PTPRD: variants seen among roughly 807,000 people sequenced by gnomAD.
PTPRD encodes receptor-type tyrosine-protein phosphatase delta.
In PTPRD, 34 loss-of-function variants were observed where a neutral mutation model predicts 214.5. The ratio of observed to expected loss-of-function variants is 0.16; its 90% CI spans 0.12 to 0.21. The LOEUF is 0.21. Ranked by LOEUF, PTPRD falls within the 10% of genes least tolerant of loss-of-function variation. The pLI is 1.00. For missense variants in PTPRD, 2,545 were observed against 2,398.7 expected (o/e 1.06, Z -1.27); for synonymous variants, 1,128 against 845.7 (o/e 1.33, Z -5.79).
intron 3 of PTPRD, among the ~76,000 whole-genome samples, chr9:10,314,701 C>T (rs2096373895): frequency 6.6e-6 from 1 of 151,850 alleles, no homozygotes; most frequent in African/African-American, 2.4e-5. Context: ...CATGAGTATA[C>T]ATCATGACAC....
intron 4 of PTPRD, among the ~76,000 whole-genome samples, chr9:9,941,668 T>C (rs1010058356): frequency 5.9e-5 from 9 of 152,014 alleles, no homozygotes; most frequent in African/African-American, 2.2e-4. Context: ...AAGGAAAGGG[T>C]TCAGTAACTT....
chr9:10,497,513 T>G lies in PTPRD; in HGVS notation c.-600+114885A>C, dbSNP rs78867502. Among the ~76,000 whole-genome samples the G allele has an allele frequency of 0.012, 1,780 of 152,170 alleles. 89 individuals are homozygous for G. In the East Asian group the frequency reaches 0.14, roughly 12 times the overall value. On this transcript the variant is annotated intron_variant, in intron 2 of 45. Coordinates refer to ENST00000381196, the MANE Select transcript of PTPRD (RefSeq NM_002839.4). ...AGGTTAGTCATCTGGTTTTCAGACA[T>G]ATATAAATGTAGTTCAAACATGTAT... is the stretch of plus-strand genomic sequence containing the variant.
chr9:10,126,845 C>A (rs2098823584), intron 3 of PTPRD, among the ~76,000 whole-genome samples: 1 of 151,766 alleles, frequency 6.6e-6, no homozygotes, highest in African/African-American at 2.4e-5. Context: ...CAATGTGATT[C>A]ATAATGCTTT....
intron 11 of PTPRD, among the ~76,000 whole-genome samples, chr9:8,788,681 T>A (rs1268617467): frequency 6.6e-6 from 1 of 152,210 alleles, no homozygotes; most frequent in African/African-American, 2.4e-5. Flanking sequence ...ACATTTCTTA[T>A]CATTCGAATC....
At chr9:10,479,668 T>C (rs996587320) in intron 2 of PTPRD, among the ~76,000 whole-genome samples, 2 of 18,124 alleles carry the variant, frequency 1.1e-4, no homozygotes, top group Non-Finnish European at 4.2e-4. Flanking sequence ...TAAACAAAAA[T>C]ACAAAAATTT....
chr9:8,421,370 T>TTCTCTTCTCTTCTCTTCTCTTCTCTC (rs141962478), intron 35 of PTPRD, among the ~76,000 whole-genome samples: 1 of 146,644 alleles, frequency 6.8e-6, no homozygotes, highest in Non-Finnish European at 1.5e-5. Flanking sequence ...TTCTCTTCTC[T>TTCTCTTCTCTTCTCTTCTCTTCTCTC]TCTCTCTCTC....
intron 9 of PTPRD, among the ~76,000 whole-genome samples, chr9:9,371,201 C>T (rs1247972782): frequency 6.6e-6 from 1 of 151,986 alleles, no homozygotes; most frequent in Non-Finnish European, 1.5e-5. Context: ...CCAGCTCCTC[C>T]TGTACCTCTG....
intron 5 of PTPRD, among the ~76,000 whole-genome samples, chr9:9,920,291 C>A (rs1282748213): frequency 2.6e-5 from 4 of 152,068 alleles, no homozygotes; most frequent in Admixed American, 1.3e-4. Context: ...GATTTGTCTT[C>A]TTGTTTACAT....
chr9:9,731,596 C>T (rs1040496380), intron 7 of PTPRD, among the ~76,000 whole-genome samples: 2 of 152,020 alleles, frequency 1.3e-5, no homozygotes, highest in Admixed American at 6.6e-5. Flanking sequence ...TCTCCTAATG[C>T]TATCCTTCCC....
At chr9:10,506,030 A>G (rs1215975144) in intron 2 of PTPRD, among the ~76,000 whole-genome samples, 1 of 152,126 alleles carries the variant, frequency 6.6e-6, no homozygotes, top group Non-Finnish European at 1.5e-5. Flanking sequence ...GAACATAAAT[A>G]TCATTGAATC....
chr9:10,182,667 A>C (rs12349043), intron 3 of PTPRD, among the ~76,000 whole-genome samples: 1 of 152,158 alleles, frequency 6.6e-6, no homozygotes, highest in East Asian at 1.9e-4. Flanking sequence ...ACAGTAAAAC[A>C]CTTGATTTCA....
At chr9:9,009,390 A>C (rs2099498108) in intron 11 of PTPRD, among the ~76,000 whole-genome samples, 1 of 151,562 alleles carries the variant, frequency 6.6e-6, no homozygotes, top group African/African-American at 2.4e-5. Context: ...AAGGCTCCAC[A>C]AATTTCAGCA....
At chr9:9,212,921 GT>G (rs1406789044) in intron 9 of PTPRD, among the ~76,000 whole-genome samples, 3 of 152,084 alleles carry the variant, frequency 2.0e-5, no homozygotes, top group Non-Finnish European at 2.9e-5. Context: ...CGTGCCTTTG[GT>G]TTATCACTGT....
chr9:9,671,535 T>G (rs1468290715), intron 7 of PTPRD, among the ~76,000 whole-genome samples: 1 of 152,194 alleles, frequency 6.6e-6, no homozygotes, highest in East Asian at 1.9e-4. Flanking sequence ...ATGACATGGT[T>G]TGGCTGTGTC....
chr9:9,849,373 C>G (rs2060125888), intron 5 of PTPRD, among the ~76,000 whole-genome samples: 1 of 152,024 alleles, frequency 6.6e-6, no homozygotes, highest in Non-Finnish European at 1.5e-5. Context: ...TGAGAAGATT[C>G]TGATTATCAA....
At chr9:10,471,794 A>T (rs1041308240) in intron 2 of PTPRD, among the ~76,000 whole-genome samples, 1 of 152,142 alleles carries the variant, frequency 6.6e-6, no homozygotes, top group Admixed American at 6.6e-5. Flanking sequence ...GATGTCAGAA[A>T]ATATTTATAA....
intron 10 of PTPRD, among the ~76,000 whole-genome samples, chr9:9,131,322 G>C (rs2099842239): frequency 6.6e-6 from 1 of 152,106 alleles, no homozygotes; most frequent in Non-Finnish European, 1.5e-5. Flanking sequence ...TTTGAAGAAT[G>C]CATGTCCAGT....
At chr9:9,249,492 G>C (rs2099974544) in intron 9 of PTPRD, among the ~76,000 whole-genome samples, 1 of 152,000 alleles carries the variant, frequency 6.6e-6, no homozygotes, top group African/African-American at 2.4e-5. Context: ...AATTTGTCTT[G>C]ACCAAATCAG....
rs573532507 is a variant in PTPRD at position 10,406,739 on chromosome 9, C to A, written c.-599-65722G>T. ...GGTTTCAATTTAATCAGCACAAAAT[C>A]AAAAATGAGAGCCAGATTTCACATG... On this transcript the variant is annotated intron_variant, in intron 2 of 45. Transcript: ENST00000381196. 3.8e-4 allele frequency among the ~76,000 whole-genome samples: 57 copies of A among 151,508 alleles called. 1 individual carries two copies. The highest frequency in any genetic ancestry group is 3.4e-3 in the Admixed American group (51 of 15,138).
Sources: allele counts gnomAD v4.1 joint callset (sites outside exome capture counted in the v4.1 genomes callset), GRCh38; gene constraint gnomAD v4.1.1; transcripts MANE v1.5; gene names NCBI Gene and HGNC (gene_info 2026-07-23, HGNC 2026-07-21).